PFDN4: variants seen among roughly 807,000 people sequenced by gnomAD.
PFDN4 encodes the protein prefoldin subunit 4, also known as prefoldin 4.
Under a neutral mutation model 17.6 loss-of-function variants are expected in PFDN4, and 6 were observed. The observed-to-expected ratio is 0.34, with a 90% CI of 0.19 to 0.67. The LOEUF is 0.67. Among genes scored for constraint, PFDN4 ranks in the 30% least tolerant of loss-of-function variants. The probability of loss-of-function intolerance (pLI) is 0.68; values close to 1 mark genes in which losing one functional copy is unlikely to be tolerated. For missense variants in PFDN4, 119 were observed against 158.4 expected (o/e 0.75, Z 1.33); for synonymous variants, 48 against 51.1 (o/e 0.94, Z 0.26).
intron 1 of PFDN4, among the ~76,000 whole-genome samples, chr20:54,209,890 C>CCTTT (rs2146538101): frequency 6.6e-6 from 1 of 152,212 alleles, no homozygotes; most frequent in African/African-American, 2.4e-5. Context: ...CTCATAGCCC[C>CCTTT]AAAGAACGTA....
intron 3 of PFDN4, among the ~76,000 whole-genome samples, chr20:54,218,203 G>T: frequency 6.8e-6 from 1 of 147,780 alleles, no homozygotes; most frequent in African/African-American, 2.5e-5. Flanking sequence ...AAAACAAAGA[G>T]TATATGTTAA....
At chr20:54,215,510 G>A in intron 3 of PFDN4, 70 bp downstream of exon 3, 1 of 974,830 alleles carries the variant, frequency 1.0e-6, no homozygotes, top group South Asian at 1.9e-5. Context: ...TAGATGTAGG[G>A]AAATAGTAGA....
chr20:54,209,934 TCAGA>T (rs2092753533), intron 1 of PFDN4, among the ~76,000 whole-genome samples: 1 of 152,122 alleles, frequency 6.6e-6, no homozygotes, highest in South Asian at 2.1e-4. Flanking sequence ...ACTCAGATAG[TCAGA>T]CAGAAAACTA....
At chr20:54,209,962 G>C (rs1286755958) in intron 1 of PFDN4, among the ~76,000 whole-genome samples, 7 of 152,152 alleles carry the variant, frequency 4.6e-5, no homozygotes, top group Non-Finnish European at 8.8e-5. Flanking sequence ...TCTCTGATGA[G>C]AACTGTGAAG....
Position 54,219,407 on chromosome 20 carries a change from G to T in PFDN4, c.*257G>T. 1 of 367,254 alleles carries T rather than the reference G, an allele frequency of 2.7e-6. No homozygotes were observed. The allele number at this position is 367,254 out of a possible 1,614,324, so 22.7% of individuals were successfully genotyped here. A position where few individuals can be genotyped will look rare whatever the true frequency, so the allele number is the denominator to read the frequency against. On this transcript the variant is annotated 3_prime_UTR_variant, in exon 4 of 4. Coordinates refer to ENST00000371419, the MANE Select transcript of PFDN4 (RefSeq NM_002623.4). ...ATGTCATGTTATTAAAATCAGTTAA[G>T]CAATCTTTTATGTTTCTATATTATT...
At chr20:54,208,316 C>T (rs982170498) in intron 1 of PFDN4, 192 bp downstream of exon 1, 35 of 481,414 alleles carry the variant, frequency 7.3e-5, no homozygotes, top group Non-Finnish European at 1.1e-4. Flanking sequence ...TCCTAGGCAC[C>T]TGGCCAGCCG....
intron 1 of PFDN4, 87 bp from the exon 2 acceptor site, chr20:54,214,264 G>A: frequency 1.4e-6 from 1 of 705,918 alleles, no homozygotes; most frequent in Non-Finnish European, 2.5e-6. Context: ...AGTGCAAATG[G>A]CTTATTGAGT....
intron 1 of PFDN4, among the ~76,000 whole-genome samples, chr20:54,213,468 A>G (rs1402780725): frequency 6.6e-6 from 1 of 152,190 alleles, no homozygotes; most frequent in East Asian, 1.9e-4. Context: ...CCGAGAACTC[A>G]TGGACCTGTC....
At chr20:54,209,833 G>C (rs1192548760) in intron 1 of PFDN4, among the ~76,000 whole-genome samples, 2 of 152,180 alleles carry the variant, frequency 1.3e-5, no homozygotes, top group African/African-American at 2.4e-5. Context: ...TCAGTTTTAA[G>C]TGGAGACAAC....
chr20:54,218,839 T>G (rs1223331549), intron 3 of PFDN4, among the ~76,000 whole-genome samples, 180 bp from the exon 4 acceptor site: 1 of 152,234 alleles, frequency 6.6e-6, no homozygotes, highest in African/African-American at 2.4e-5. Context: ...TAAGCAGATA[T>G]GGACCATGAA....
At position 54,219,919 on chromosome 20, in the gene PFDN4, G is replaced by C. The variant is rs553174677; in HGVS notation, c.*769G>C. The C allele has an allele frequency of 5.1e-6, 2 of 388,644 alleles. No individual in the cohort carries two copies. Among genetic ancestry groups the C allele is most frequent in the Non-Finnish European group, 9.1e-6 (2 of 220,674 alleles). 24.1% of individuals were successfully genotyped at this position (388,644 alleles called of 1,614,324 possible). Reference sequence around the variant, plus strand: ...AAACAGCTATGTATGTAAAAGTAAGGCTTATTTCTTAAATAAAGGATGCAT... The same window carrying C: ...AAACAGCTATGTATGTAAAAGTAAGCCTTATTTCTTAAATAAAGGATGCAT... On this transcript the variant is annotated 3_prime_UTR_variant, in exon 4 of 4. Transcript: ENST00000371419.
intron 1 of PFDN4, 109 bp from the exon 2 acceptor site, chr20:54,214,242 C>G: frequency 1.5e-6 from 1 of 649,040 alleles, no homozygotes; most frequent in Admixed American, 3.0e-5. Flanking sequence ...TCTTGTGATT[C>G]TTGACTATAT....
chr20:54,211,727 C>G (rs1601174219), intron 1 of PFDN4, among the ~76,000 whole-genome samples: 2 of 152,192 alleles, frequency 1.3e-5, no homozygotes. Context: ...GCTGGTTTCC[C>G]TGAAGGCAGG....
At chr20:54,216,876 C>T (rs748885599) in intron 3 of PFDN4, among the ~76,000 whole-genome samples, 31 of 151,946 alleles carry the variant, frequency 2.0e-4, no homozygotes, top group Non-Finnish European at 3.4e-4. Flanking sequence ...AGACTGGTCT[C>T]GAACTCCTGA....
In PFDN4 at chr20:54,219,679, A is replaced by G. The variant is rs923270570; in HGVS notation, c.*529A>G. 13 of 397,980 alleles carry G rather than the reference A, an allele frequency of 3.3e-5. No individual in the cohort carries two copies. The highest frequency in any genetic ancestry group is 7.1e-5 in the East Asian group (2 of 27,990). The allele number at this position is 397,980 out of a possible 1,614,324, so 24.7% of individuals were successfully genotyped here. On this transcript the variant is annotated 3_prime_UTR_variant, in exon 4 of 4. Transcript: ENST00000371419. Reference sequence around the variant, plus strand: ...CATATTTAACATTTTTTACATATCTATCAATATCAGAGATTTGGGTAAAAG... The same window carrying G: ...CATATTTAACATTTTTTACATATCTGTCAATATCAGAGATTTGGGTAAAAG...
chr20:54,216,011 C>T (rs1416241558), intron 3 of PFDN4, among the ~76,000 whole-genome samples: 20 of 152,208 alleles, frequency 1.3e-4, no homozygotes, highest in Admixed American at 1.3e-3. Flanking sequence ...TGTTTAATAT[C>T]ATGTTGATGG....
rs1902213944 is a variant in PFDN4 at position 54,219,549 on chromosome 20, A to G, written c.*399A>G. The G allele has an allele frequency of 2.5e-6, 1 of 393,174 alleles. No individual in the cohort carries two copies. The highest frequency in any genetic ancestry group is 4.5e-6 in the Non-Finnish European group (1 of 223,754). 24.4% of individuals were successfully genotyped at this position (393,174 alleles called of 1,614,324 possible). ...GGAAAGCACGATGAAAAGATGTACA[A>G]TCCTGCATCCTTGCTTATTTCACAA... On this transcript the variant is annotated 3_prime_UTR_variant, in exon 4 of 4. Coordinates refer to ENST00000371419, the MANE Select transcript of PFDN4 (RefSeq NM_002623.4).
chr20:54,212,266 G>A (rs1254787496), intron 1 of PFDN4, among the ~76,000 whole-genome samples: 1 of 152,118 alleles, frequency 6.6e-6, no homozygotes, highest in Non-Finnish European at 1.5e-5. Context: ...TTCTAGGACA[G>A]TGAGACTAAA....
At chr20:54,216,769 G>C (rs550006915) in intron 3 of PFDN4, among the ~76,000 whole-genome samples, 1 of 152,162 alleles carries the variant, frequency 6.6e-6, no homozygotes, top group Admixed American at 6.6e-5. Flanking sequence ...CAATTCTCCT[G>C]CCTCAGCCTC....
Sources: allele counts gnomAD v4.1 joint callset (sites outside exome capture counted in the v4.1 genomes callset), GRCh38; gene constraint gnomAD v4.1.1; transcripts MANE v1.5; gene names NCBI Gene and HGNC (gene_info 2026-07-23, HGNC 2026-07-21).